Variants in CEP63 observed in about 807,000 individuals in gnomAD.
The protein encoded by CEP63 is centrosomal protein of 63 kDa.
Under a neutral mutation model 89.1 loss-of-function variants are expected in CEP63, and 84 were observed. The observed-to-expected ratio is 0.94, with a 90% confidence interval of 0.79 to 1.13. CEP63 has a LOEUF of 1.13. Among genes scored for constraint, CEP63 ranks in the 50% most tolerant of loss-of-function variants. The pLI is 0.00. For missense variants in CEP63, 838 were observed against 813.3 expected (o/e 1.03, Z -0.37); for synonymous variants, 267 against 272.5 (o/e 0.98, Z 0.20).
chr3:134,625,034 G>C, the CEP63 span: 1 of 1,577,244 alleles, frequency 6.3e-7, no homozygotes, highest in East Asian at 2.3e-5. Context: ...CCCATGGTCA[G>C]AGCGGCCAGC....
chr3:134,594,132 C>T, the CEP63 span, among the ~76,000 whole-genome samples: 69 of 152,360 alleles, frequency 4.5e-4, 1 homozygote, highest in Non-Finnish European at 8.4e-4. Flanking sequence ...AAAGTGTTCA[C>T]TAGGAAATCT....
rs777373497 is a variant in CEP63, at chr3:134,547,319, CTA to C, written c.930-14_930-13del. 6.2e-7 allele frequency: 1 copy of C among 1,611,838 alleles called. No individual in the cohort carries two copies. The highest frequency in any genetic ancestry group is 8.5e-7 in the Non-Finnish European group (1 of 1,178,188). ...AGAGATAAAGGCGTTAACAATCATC[CTA>C]TGTCTTTCCATAGGCCACGGGAAGA... On this transcript the variant is annotated splice_polypyrimidine_tract_variant and intron_variant, in intron 8 of 14. Transcript: ENST00000675561.
chr3:134,512,325 G>A lies in CEP63; in HGVS notation c.222+5039G>A, dbSNP rs144536265. On this transcript the variant is annotated intron_variant, in intron 3 of 14. Coordinates refer to ENST00000675561, the MANE Select transcript of CEP63 (RefSeq NM_001353108.3). The stretch of plus-strand genomic sequence containing the variant: ...GTTTCTGGTTACAGTGTTGGCACTG[G>A]GTTGGTTTTAATGGACATTCCTGCT... 4.0e-4 allele frequency among the ~76,000 whole-genome samples: 61 copies of A among 152,304 alleles called. 1 individual carries two copies. In the East Asian group the frequency reaches 0.01, roughly 26 times the overall value.
chr3:134,620,716 T>C, the CEP63 span: 2 of 1,502,802 alleles, frequency 1.3e-6, no homozygotes, highest in Non-Finnish European at 1.8e-6. Flanking sequence ...AAGCAAGGGA[T>C]TCTAGAGCCA....
At chr3:134,514,145 C>A (rs948266016) in intron 3 of CEP63, among the ~76,000 whole-genome samples, 1 of 151,296 alleles carries the variant, frequency 6.6e-6, no homozygotes. Flanking sequence ...TTGAGCATTT[C>A]GAAAAAGAAT....
chr3:134,625,976 C>A, the CEP63 span, among the ~76,000 whole-genome samples: 1 of 152,250 alleles, frequency 6.6e-6, no homozygotes, highest in African/African-American at 2.4e-5. Flanking sequence ...TCAGCTATTG[C>A]TGGGAGGCTG....
At chr3:134,534,649 A>T (rs1383821067) in intron 5 of CEP63, among the ~76,000 whole-genome samples, 1 of 152,084 alleles carries the variant, frequency 6.6e-6, no homozygotes, top group Non-Finnish European at 1.5e-5. Flanking sequence ...GCTTAAGTCC[A>T]CCTTTCTGCC....
At chr3:134,576,601 G>A (rs1454533875), downstream of CEP63, among the ~76,000 whole-genome samples, 3 of 152,212 alleles carry the variant, frequency 2.0e-5, no homozygotes, top group Non-Finnish European at 4.4e-5. Context: ...ATGCCCTTGG[G>A]CAGTTTCTTC....
chr3:134,680,316 G>C, the CEP63 span, among the ~76,000 whole-genome samples: 2 of 152,216 alleles, frequency 1.3e-5, no homozygotes, highest in Non-Finnish European at 2.9e-5. Context: ...CTTATGTTCA[G>C]TTTTTAAATA....
At chr3:134,486,302 G>A (rs1305391144) in intron 1 of CEP63, 100 bp downstream of exon 1, 4 of 985,434 alleles carry the variant, frequency 4.1e-6, no homozygotes, top group Non-Finnish European at 4.8e-6. Context: ...GTCTGGAGGC[G>A]GCCCAGGCTG....
At chr3:134,599,370 G>T in the CEP63 span, among the ~76,000 whole-genome samples, 6 of 152,066 alleles carry the variant, frequency 3.9e-5, no homozygotes, top group Non-Finnish European at 7.4e-5. Context: ...CCAGATTTGG[G>T]AACACAAGTT....
In CEP63 at chr3:134,558,282, A is replaced by G; in HGVS notation, c.1608A>G (p.Lys536=). 6.2e-7 allele frequency: 1 copy of G among 1,613,968 alleles called. No homozygotes were observed. ...QLEISTQMCK[K]QNDRIFKPTH... ...AGATTTCTACTCAGATGTGCAAAAA[A>G]CAAAATGACAGGATCTTTAAACCAA... is the stretch of plus-strand genomic sequence containing the variant. The change falls in exon 13 of 15, where the codon AAA becomes AAG. Residue 536 remains lysine (K), a synonymous_variant. Transcript: ENST00000675561.
the CEP63 span, among the ~76,000 whole-genome samples, chr3:134,674,872 A>C: frequency 6.6e-6 from 1 of 152,240 alleles, no homozygotes; most frequent in Non-Finnish European, 1.5e-5. Flanking sequence ...GAAGAAGTAC[A>C]AGGCTTGATA....
the CEP63 span, among the ~76,000 whole-genome samples, chr3:134,642,846 G>C: frequency 2.4e-4 from 37 of 152,148 alleles, no homozygotes; most frequent in African/African-American, 8.7e-4. Flanking sequence ...ACTCTTGCTG[G>C]CCATGTGATC....
chr3:134,618,937 T>G, the CEP63 span, among the ~76,000 whole-genome samples: 1 of 152,184 alleles, frequency 6.6e-6, no homozygotes, highest in South Asian at 2.1e-4. Flanking sequence ...ACCATTATGT[T>G]AATGCATCGC....
At chr3:134,555,277 A>G (rs993864257) in intron 12 of CEP63, among the ~76,000 whole-genome samples, 18 of 152,184 alleles carry the variant, frequency 1.2e-4, no homozygotes, top group Admixed American at 2.6e-4. Context: ...GGCCAGGGCA[A>G]TTAGGCAGGA....
At chr3:134,565,402 G>T (rs1395223303), downstream of CEP63, among the ~76,000 whole-genome samples, 1 of 152,130 alleles carries the variant, frequency 6.6e-6, no homozygotes, top group Non-Finnish European at 1.5e-5. Flanking sequence ...TAAACTGTGG[G>T]TGATGATTTT....
the CEP63 span, among the ~76,000 whole-genome samples, chr3:134,751,234 G>A: frequency 6.6e-6 from 1 of 152,054 alleles, no homozygotes; most frequent in Non-Finnish European, 1.5e-5. Flanking sequence ...TCCTTTTTAT[G>A]GCTGAATAAT....
At chr3:134,664,447 C>T in the CEP63 span, among the ~76,000 whole-genome samples, 1 of 152,222 alleles carries the variant, frequency 6.6e-6, no homozygotes, top group Non-Finnish European at 1.5e-5. Flanking sequence ...CTGTGGCTGA[C>T]CTCACACTCG....
Sources: allele counts gnomAD v4.1 joint callset (sites outside exome capture counted in the v4.1 genomes callset), GRCh38; gene constraint gnomAD v4.1.1; transcripts MANE v1.5; gene names NCBI Gene and HGNC (gene_info 2026-07-23, HGNC 2026-07-21).